The following RIPOR3 variants were observed in gnomAD, a reference collection of about 807,000 sequenced individuals.
RIPOR3 encodes family with sequence similarity 65 member C.
In RIPOR3, 95 loss-of-function variants were observed where a neutral mutation model predicts 114.3. The observed-to-expected ratio is 0.83, with a 90% confidence interval of 0.70 to 0.99. The LOEUF (loss-of-function observed/expected upper bound fraction) is 0.99. RIPOR3 is among the 50% of genes least tolerant of loss of function. RIPOR3 has a pLI of 0.00. For synonymous variants in RIPOR3, 575 were observed against 543.8 expected (o/e 1.06, Z -0.80); for missense variants, 1,252 against 1,266.9 (o/e 0.99, Z 0.18).
At chr20:50,636,750 C>T in intron 1 of RIPOR3, 1 of 985,536 alleles carries the variant, frequency 1.0e-6, no homozygotes, top group Non-Finnish European at 1.2e-6. Flanking sequence ...CAAGGTGTGG[C>T]TGGAGGAAGC....
At chr20:50,632,342 A>AG (rs2084845779) in intron 1 of RIPOR3, among the ~76,000 whole-genome samples, 2 of 152,198 alleles carry the variant, frequency 1.3e-5, no homozygotes, top group South Asian at 4.1e-4. Flanking sequence ...GGAAGGACCA[A>AG]GGAAAGCATG....
chr20:50,593,103 A>G lies in RIPOR3; in HGVS notation c.2306T>C (p.Phe769Ser). 6.2e-7 allele frequency: 1 copy of G among 1,614,098 alleles called. No homozygotes were observed. The highest frequency in any genetic ancestry group is 8.5e-7 in the Non-Finnish European group (1 of 1,180,036). Residue 769 changes from phenylalanine to serine, a missense_variant, in exon 18 of 22, where the codon TTT becomes TCT. By Grantham distance (155) the Phe-to-Ser change is radical. Coordinates refer to ENST00000327979, the MANE Select transcript of RIPOR3 (RefSeq NM_001290268.2). The stretch of plus-strand genomic sequence containing the variant: ...GCTCTGCCTCTGCAGGTAGCTGTGA[A>G]ACTGGAACCAGGTAATGATCTGTTC... ...PEEQIITWFQ[F>S]HSYLQRQSVS... is the part of the protein sequence containing the mutation.
intron 1 of RIPOR3, among the ~76,000 whole-genome samples, chr20:50,669,143 TCA>T (rs1193464335): frequency 2.0e-5 from 3 of 151,756 alleles, no homozygotes; most frequent in African/African-American, 7.3e-5. Flanking sequence ...TGGTGCACAC[TCA>T]CACACCCACA....
At chr20:50,642,810 A>T (rs2085252300) in intron 1 of RIPOR3, among the ~76,000 whole-genome samples, 2 of 151,778 alleles carry the variant, frequency 1.3e-5, no homozygotes, top group South Asian at 4.2e-4. Context: ...GCACTTTGGG[A>T]GGTCAAAGCG....
intron 1 of RIPOR3, among the ~76,000 whole-genome samples, chr20:50,635,802 A>G (rs906455364): frequency 2.0e-5 from 3 of 152,334 alleles, no homozygotes; most frequent in Middle Eastern, 3.4e-3. Context: ...GCTGGACTCC[A>G]AAGCCTGGCT....
Position 50,597,590 on chromosome 20 carries a change from G to T in RIPOR3, c.1780C>A (p.Gln594Lys). 6.2e-7 allele frequency: 1 copy of T among 1,606,624 alleles called. No individual in the cohort carries two copies. Among genetic ancestry groups the T allele is most frequent in the East Asian group, 2.2e-5 (1 of 44,460 alleles). ...LDELSLFGGSQGLRKDRPLPP... is the reference protein window; with the variant it reads ...LDELSLFGGSKGLRKDRPLPP... ...AGGAGGTGCACTCACCGGAGACCCT[G>T]GGAGCCCCCAAACAGGGACAGCTCA... Residue 594 changes from glutamine to lysine, a missense_variant, in exon 14 of 22, where the codon CAG (glutamine) becomes AAG (lysine). By Grantham distance (53) the Gln-to-Lys change is moderately conservative. Coordinates refer to ENST00000327979, the MANE Select transcript of RIPOR3 (RefSeq NM_001290268.2).
chr20:50,671,117 G>A (rs891433599), intron 1 of RIPOR3, among the ~76,000 whole-genome samples: 5 of 152,022 alleles, frequency 3.3e-5, no homozygotes, highest in African/African-American at 1.2e-4. Context: ...TAGTTGTTTA[G>A]GATTTGTTTT....
chr20:50,656,763 G>T (rs1179776640), intron 1 of RIPOR3, among the ~76,000 whole-genome samples: 1 of 152,206 alleles, frequency 6.6e-6, no homozygotes, highest in East Asian at 1.9e-4. Context: ...CTCCCAAAGT[G>T]CTGGGATTAC....
At chr20:50,651,937 A>G (rs2085625387) in intron 1 of RIPOR3, among the ~76,000 whole-genome samples, 1 of 152,170 alleles carries the variant, frequency 6.6e-6, no homozygotes, top group African/African-American at 2.4e-5. Context: ...GGGAAAGTAG[A>G]TGGTACATGT....
chr20:50,626,786 C>G (rs573358927), intron 2 of RIPOR3, among the ~76,000 whole-genome samples: 109 of 152,294 alleles, frequency 7.2e-4, no homozygotes, highest in African/African-American at 2.5e-3. Context: ...GTTTGGGAGG[C>G]CGAGGTGGGT....
chr20:50,663,923 CTCTTTT>C (rs1568941082), intron 1 of RIPOR3, among the ~76,000 whole-genome samples: 3 of 126,798 alleles, frequency 2.4e-5, no homozygotes, highest in South Asian at 2.7e-4. Context: ...CTCTCTCTCT[CTCTTTT>C]TTTTTTTTTT....
chr20:50,616,069 C>T lies in RIPOR3; in HGVS notation c.281G>A (p.Cys94Tyr). 1.2e-6 allele frequency: 2 copies of T among 1,611,764 alleles called. No individual in the cohort carries two copies. Among genetic ancestry groups the T allele is most frequent in the Non-Finnish European group, 1.7e-6 (2 of 1,179,092 alleles). The stretch of plus-strand genomic sequence containing the variant: ...GTGGTCCAGCTCAGCCTGCTGCACA[C>T]ACAGATACTCCCTGCAAGGAAAGCA... Reference protein sequence around the residue: ...ALKRGLKEYLCVQQAELDHLS... With the variant: ...ALKRGLKEYLYVQQAELDHLS... The change falls in exon 4 of 22, where the codon TGT (cysteine) becomes TAT (tyrosine). Residue 94 changes from cysteine to tyrosine, a missense_variant. Coordinates refer to ENST00000327979, the MANE Select transcript of RIPOR3 (RefSeq NM_001290268.2).
intron 1 of RIPOR3, among the ~76,000 whole-genome samples, chr20:50,677,671 C>CT (rs1341300055): frequency 0.056 from 7,360 of 130,690 alleles, 267 homozygotes; most frequent in South Asian, 0.096. Context: ...CGCGCCTGGC[C>CT]TTTTTTTTTT....
chr20:50,604,602 C>A (rs368009667), intron 12 of RIPOR3, 43 bp downstream of exon 12: 1 of 1,570,904 alleles, frequency 6.4e-7, no homozygotes, highest in South Asian at 1.2e-5. Flanking sequence ...TGCCCCCATC[C>A]CAGGGTGACC....
chr20:50,677,597 C>T (rs1163598443), intron 1 of RIPOR3, among the ~76,000 whole-genome samples: 3 of 151,686 alleles, frequency 2.0e-5, no homozygotes, highest in African/African-American at 4.8e-5. Context: ...GTCTCAAACG[C>T]CTGACCTCAG....
chr20:50,625,125 C>A (rs1450658139), intron 2 of RIPOR3, among the ~76,000 whole-genome samples: 1 of 151,492 alleles, frequency 6.6e-6, no homozygotes, highest in Non-Finnish European at 1.5e-5. Flanking sequence ...GGCTGGAATG[C>A]AGTAGCGTGA....
Position 50,593,042 on chromosome 20 carries a change from G to A in RIPOR3, c.2367C>T (p.Thr789=), listed in dbSNP as rs1215626554. The A allele has an allele frequency of 2.5e-6, 4 of 1,613,878 alleles. No homozygotes were observed. Among genetic ancestry groups the A allele is most frequent in the African/African-American group, 1.3e-5 (1 of 74,940 alleles). The change falls in exon 18 of 22, where the codon ACC becomes ACT. Residue 789 remains threonine (T), a synonymous_variant. Coordinates refer to ENST00000327979, the MANE Select transcript of RIPOR3 (RefSeq NM_001290268.2). ...CACCCACCCCAGTCTTACCTTCCTT[G>A]GTGAGCTGGGTGAAGTGCTTCTCCA... ...SDLEKHFTQL[T]KEVTLIEELH...
chr20:50,630,781 C>T lies in RIPOR3; in HGVS notation c.79G>A (p.Ala27Thr), dbSNP rs545666695. 49 of 1,612,168 alleles carry T rather than the reference C, an allele frequency of 3.0e-5. No homozygotes were observed. The highest frequency in any genetic ancestry group is 2.7e-4 in the Admixed American group (16 of 59,872). ...TGAVGVVGRS[A>T]SFAGFSSAQS... ...GCACTGCTGAAGCCTGCGAAGGAGGCGCTCCGGCCCACGACCCCCACGGCC... is the reference window on the plus strand; with the variant it reads ...GCACTGCTGAAGCCTGCGAAGGAGGTGCTCCGGCCCACGACCCCCACGGCC... Residue 27 changes from alanine (A) to threonine (T), a missense_variant, in exon 2 of 22, where the codon GCC becomes ACC. By Grantham distance (58) the Ala-to-Thr change is moderately conservative (BLOSUM62 0). Transcript: ENST00000327979.
rs1443155750 is a variant in RIPOR3 at position 50,594,680 on chromosome 20, C to A, written c.2085G>T (p.Leu695=). The A allele has an allele frequency of 6.2e-7, 1 of 1,613,328 alleles. No homozygotes were observed. Among genetic ancestry groups the A allele is most frequent in the Admixed American group, 1.7e-5 (1 of 59,978 alleles). The change falls in exon 17 of 22, where the codon CTG becomes CTT. Residue 695 remains leucine, a synonymous_variant. Coordinates refer to ENST00000327979, the MANE Select transcript of RIPOR3 (RefSeq NM_001290268.2). ...GCCCTGTGCACCCTCTCCACAGCTT[C>A]AGGCACCCCTTCGTCCGCGAGGCCT... ...IPQASRTKGC[L]KLWRGCTGPG... is the part of the protein sequence containing the mutation.
Sources: gnomAD v4.1 joint callset for allele counts (sites outside exome capture counted in the v4.1 genomes callset) on GRCh38, gnomAD v4.1.1 for gene constraint, MANE v1.5 for transcripts, NCBI Gene and HGNC (gene_info 2026-07-23, HGNC 2026-07-21) for gene names.